The following GLB1 variants were observed in gnomAD, a reference collection of about 807,000 sequenced individuals.
GLB1 encodes the protein galactosidase beta 1, also known as beta-galactosidase.
Under a neutral mutation model 74.0 loss-of-function variants are expected in GLB1, and 56 were observed. The observed-to-expected ratio is 0.76, with a 90% CI of 0.61 to 0.94. GLB1 has a LOEUF of 0.94. Ranked by LOEUF, GLB1 falls within the 40% of genes least tolerant of loss-of-function variation. GLB1 has a pLI of 0.00. For missense variants in GLB1, 787 were observed against 845.5 expected, an observed-to-expected ratio of 0.93 and a Z score of 0.86; for synonymous variants, 323 against 323.6, an observed-to-expected ratio of 1.00 and a Z score of 0.02.
the GLB1 span, among the ~76,000 whole-genome samples, chr3:32,981,956 C>G: frequency 1.3e-5 from 2 of 152,136 alleles, no homozygotes; most frequent in Non-Finnish European, 2.9e-5. Context: ...GTCTGACAAT[C>G]TTGGTCTTTT....
At chr3:33,072,278 T>C (rs765345485) in intron 2 of GLB1, among the ~76,000 whole-genome samples, 7 of 152,230 alleles carry the variant, frequency 4.6e-5, no homozygotes, top group Non-Finnish European at 8.8e-5. Context: ...TGCTCAATCA[T>C]TGTTACTTCT....
intron 7 of GLB1, 57 bp from the exon 8 acceptor site, chr3:33,052,061 G>A (rs1042575785): frequency 6.2e-7 from 1 of 1,605,128 alleles, no homozygotes; most frequent in African/African-American, 1.3e-5. Context: ...CCAATGCCAG[G>A]GCTTCCCTGC....
intron 15 of GLB1, among the ~76,000 whole-genome samples, chr3:33,001,742 T>C (rs1032218629): frequency 4.6e-5 from 7 of 152,198 alleles, no homozygotes; most frequent in African/African-American, 1.7e-4. Context: ...TGCTACTTGT[T>C]GATAATTCTG....
At chr3:33,083,330 G>C (rs1291370141) in intron 1 of GLB1, among the ~76,000 whole-genome samples, 2 of 150,744 alleles carry the variant, frequency 1.3e-5, no homozygotes, top group Admixed American at 6.6e-5. Context: ...CTGGGAGGCA[G>C]AGGTTGCAGT....
rs1385388911 is a variant in GLB1, at chr3:33,053,475, C to T, written c.792+16G>A. The T allele has an allele frequency of 6.2e-7, 1 of 1,614,208 alleles. No homozygotes were observed. Among genetic ancestry groups the T allele is most frequent in the Admixed American group, 1.7e-5 (1 of 60,024 alleles). ...TCTTAACAGCTGCAAACACACACCT[C>T]ACCCTCGATTCTTACCAAGGGTCCT... On this transcript the variant is annotated intron_variant, in intron 7 of 15. Coordinates refer to ENST00000307363, the MANE Select transcript of GLB1 (RefSeq NM_000404.4).
intron 1 of GLB1, among the ~76,000 whole-genome samples, chr3:33,082,321 T>C (rs1158698625): frequency 6.6e-6 from 1 of 152,198 alleles, no homozygotes; most frequent in Non-Finnish European, 1.5e-5. Flanking sequence ...TTTTACATAA[T>C]GGCCTGCAGA....
chr3:33,053,366 C>T, intron 7 of GLB1, 125 bp downstream of exon 7: 1 of 1,360,404 alleles, frequency 7.4e-7, no homozygotes, highest in Non-Finnish European at 1.0e-6. Flanking sequence ...ATGGCTATGA[C>T]TCCACAATCC....
chr3:32,967,313 T>G, the GLB1 span, among the ~76,000 whole-genome samples: 4 of 152,158 alleles, frequency 2.6e-5, no homozygotes, highest in Admixed American at 6.5e-5. Context: ...AAAAAACAAT[T>G]GCTTCTACTT....
At chr3:33,067,834 C>A (rs2125547187) in intron 4 of GLB1, among the ~76,000 whole-genome samples, 1 of 152,258 alleles carries the variant, frequency 6.6e-6, no homozygotes, top group African/African-American at 2.4e-5. Flanking sequence ...TGCAGAGGTA[C>A]CCCAGCCTTC....
At chr3:33,077,259 A>T (rs1300565646) in intron 1 of GLB1, 2 of 1,569,092 alleles carry the variant, frequency 1.3e-6, no homozygotes, top group African/African-American at 2.7e-5. Context: ...GATCATATTA[A>T]TTTGAAGGTG....
intron 1 of GLB1, chr3:33,077,429 T>C (rs1186464448): frequency 5.5e-6 from 5 of 909,526 alleles, no homozygotes; most frequent in Non-Finnish European, 8.6e-6. Context: ...ACCTGCTCAG[T>C]TGGAAATGGA....
At chr3:33,091,050 T>C (rs1331230442) in intron 1 of GLB1, 10 of 985,250 alleles carry the variant, frequency 1.0e-5, no homozygotes, top group Non-Finnish European at 1.2e-5. Context: ...ACCAGCCGCA[T>C]CAAACAGTGG....
chr3:32,961,919 T>C, the GLB1 span, among the ~76,000 whole-genome samples: 1 of 151,980 alleles, frequency 6.6e-6, no homozygotes. Context: ...GGTATAGAAA[T>C]TGGCAGTGGC....
chr3:32,972,230 T>C, the GLB1 span, among the ~76,000 whole-genome samples: 1 of 152,160 alleles, frequency 6.6e-6, no homozygotes, highest in East Asian at 1.9e-4. Context: ...TCAAAGGCAC[T>C]AGATTTATTG....
intron 10 of GLB1, among the ~76,000 whole-genome samples, chr3:33,041,194 T>C (rs1000135531): frequency 6.6e-6 from 1 of 152,148 alleles, no homozygotes; most frequent in Non-Finnish European, 1.5e-5. Context: ...CACACTTAGA[T>C]TCATCACAGA....
intron 10 of GLB1, among the ~76,000 whole-genome samples, chr3:33,044,927 T>C (rs1337131869): frequency 6.6e-6 from 1 of 152,110 alleles, no homozygotes; most frequent in African/African-American, 2.4e-5. Context: ...GACTAAGCAG[T>C]TCAGATGCAG....
chr3:33,075,836 T>G (rs1700082242), intron 1 of GLB1, among the ~76,000 whole-genome samples: 1 of 151,690 alleles, frequency 6.6e-6, no homozygotes, highest in African/African-American at 2.4e-5. Flanking sequence ...GGTCGGGAGA[T>G]CGAGACCATC....
Position 33,094,075 on chromosome 3 carries a change from G to A in GLB1, c.75+2936C>T, listed in dbSNP as rs777064398. The A allele has an allele frequency of 9.9e-6, 16 of 1,614,126 alleles. No individual in the cohort carries two copies. The highest frequency in any genetic ancestry group is 1.7e-5 in the Admixed American group (1 of 60,012). ...GCAAGCTGCAAGCGAAGCAGCCAACGCCAGGCCCTGAGCTCAAGGCTCTCT... is the reference window on the plus strand; with the variant it reads ...GCAAGCTGCAAGCGAAGCAGCCAACACCAGGCCCTGAGCTCAAGGCTCTCT... On this transcript the variant is annotated intron_variant, in intron 1 of 15. Transcript: ENST00000307363.
chr3:32,999,703 G>A (rs1265180507), intron 15 of GLB1, among the ~76,000 whole-genome samples: 2 of 152,132 alleles, frequency 1.3e-5, no homozygotes, highest in Non-Finnish European at 2.9e-5. Context: ...ATCGTGCAGT[G>A]GTGCAATCCT....
Sources: gnomAD v4.1 joint callset for allele counts (sites outside exome capture counted in the v4.1 genomes callset) on GRCh38, gnomAD v4.1.1 for gene constraint, MANE v1.5 for transcripts, NCBI Gene and HGNC (gene_info 2026-07-23, HGNC 2026-07-21) for gene names.